FAM135B: variants seen among roughly 807,000 people sequenced by gnomAD.
FAM135B encodes the protein family with sequence similarity 135 member B, also known as protein FAM135B.
FAM135B carries 43 observed loss-of-function variants against 127.7 expected under a neutral mutation model. That is an observed-to-expected ratio of 0.34 (90% CI 0.26 to 0.43). FAM135B has a LOEUF of 0.43. FAM135B is among the 20% of genes least tolerant of loss of function. The pLI, the probability that FAM135B is intolerant of heterozygous loss-of-function variation, is 1.00. For synonymous variants in FAM135B, 670 were observed against 665.1 expected (o/e 1.01, Z -0.11); for missense variants, 1,558 against 1,725.6 (o/e 0.90, Z 1.72).
intron 1 of FAM135B, among the ~76,000 whole-genome samples, chr8:138,401,729 C>A (rs984558677): frequency 1.2e-4 from 19 of 152,200 alleles, no homozygotes; most frequent in Non-Finnish European, 2.2e-4. Flanking sequence ...CAACCAATTG[C>A]ATTTCCTTTC....
chr8:138,327,659 C>T (rs1176688218), intron 2 of FAM135B, among the ~76,000 whole-genome samples: 1 of 152,164 alleles, frequency 6.6e-6, no homozygotes, highest in Non-Finnish European at 1.5e-5. Context: ...GACAAGGCAC[C>T]AAAACAGTGG....
rs892717234 is a variant in FAM135B at position 138,242,981 on chromosome 8, C to G, written c.630G>C (p.Leu210Phe). 1.1e-5 allele frequency: 18 copies of G among 1,613,892 alleles called. No individual in the cohort carries two copies. The highest frequency in any genetic ancestry group is 1.5e-5 in the Non-Finnish European group (18 of 1,179,880). ...QEQSIISLEN[L>F]VFGAGYCKPT... ...GCTTGCAGTACCCAGCTCCAAAGAC[C>G]AAGTTTTCCAGAGAAATGATAGACT... Residue 210 changes from leucine (L) to phenylalanine (F), a missense_variant, in exon 7 of 20, where the codon TTG becomes TTC. By Grantham distance (22) the Leu-to-Phe change is conservative. This residue lies in a region of FAM135B where 127 missense variants were observed against 109.7 expected (regional missense o/e 1.16). Transcript: ENST00000395297. The surrounding 1 kb of genome is among the most constrained non-coding windows in gnomAD (Gnocchi z 9.6).
In FAM135B at chr8:138,377,416, G is replaced by T. The variant is rs186756343; in HGVS notation, c.-19-9414C>A. 7.6e-3 allele frequency among the ~76,000 whole-genome samples: 1,160 copies of T among 152,244 alleles called. 5 individuals carry two copies. The highest frequency in any genetic ancestry group is 0.02 in the Middle Eastern group (6 of 294). On this transcript the variant is annotated intron_variant, in intron 1 of 19. Transcript: ENST00000395297. ...CTGTATAATTTACAAAGAACAGAAG[G>T]TTATTTGGCTCATGGTTGTGGAGGC...
chr8:138,261,343 A>G (rs1481301954), intron 4 of FAM135B, among the ~76,000 whole-genome samples: 2 of 152,132 alleles, frequency 1.3e-5, no homozygotes, highest in Non-Finnish European at 2.9e-5. Flanking sequence ...TGTGTTTCAT[A>G]TGTAATCTTT....
intron 2 of FAM135B, among the ~76,000 whole-genome samples, chr8:138,343,862 C>A (rs565851912): frequency 1.3e-5 from 2 of 152,202 alleles, no homozygotes; most frequent in Non-Finnish European, 2.9e-5. Flanking sequence ...TTGGTTGTTT[C>A]CTCTTATCTG....
At chr8:138,353,550 A>G (rs1349720270) in intron 2 of FAM135B, among the ~76,000 whole-genome samples, 2 of 152,170 alleles carry the variant, frequency 1.3e-5, no homozygotes, top group African/African-American at 2.4e-5. Flanking sequence ...AAATATATAT[A>G]AATTGTGAAT....
At chr8:138,407,992 T>C (rs907322643) in intron 1 of FAM135B, among the ~76,000 whole-genome samples, 1 of 152,210 alleles carries the variant, frequency 6.6e-6, no homozygotes, top group Admixed American at 6.5e-5. Context: ...CAGTAAACCA[T>C]ACTATAAATA....
chr8:138,436,039 A>C (rs554936007), intron 1 of FAM135B, among the ~76,000 whole-genome samples: 1 of 152,234 alleles, frequency 6.6e-6, no homozygotes, highest in South Asian at 2.1e-4. Context: ...TATGTGCTCC[A>C]TTGGGTCTCA....
At chr8:138,136,837 A>T (rs538917919) in intron 19 of FAM135B, among the ~76,000 whole-genome samples, 2 of 152,216 alleles carry the variant, frequency 1.3e-5, no homozygotes, top group Middle Eastern at 3.2e-3. Flanking sequence ...GGCTCCAACT[A>T]GACAATGTGC....
chr8:138,452,778 G>A (rs1587489688), intron 1 of FAM135B, among the ~76,000 whole-genome samples: 1 of 152,118 alleles, frequency 6.6e-6, no homozygotes, highest in African/African-American at 2.4e-5. Flanking sequence ...TGGGGCTGGA[G>A]AATCCATGCT....
chr8:138,365,016 T>A (rs1032686989), intron 2 of FAM135B, among the ~76,000 whole-genome samples: 1 of 152,106 alleles, frequency 6.6e-6, no homozygotes. Flanking sequence ...TCAGGTGATT[T>A]TTGAATTTTT....
rs576690743 is a variant in FAM135B, at chr8:138,138,856, C to T, written c.3901+130G>A. The T allele has an allele frequency of 9.8e-5, 62 of 633,446 alleles. No homozygotes were observed. In the African/African-American group the frequency reaches 1.1e-3, roughly 12 times the overall value. 39.2% of individuals were successfully genotyped at this position (633,446 alleles called of 1,614,324 possible). A position where few individuals can be genotyped will look rare whatever the true frequency, so the allele number is the denominator to read the frequency against. On this transcript the variant is annotated intron_variant, in intron 18 of 19. Transcript: ENST00000395297. ...TTGGCCTCCCAATGAGCCAAAGAGG[C>T]TTTGAGTGCTGGGCCTCCTGACTAG...
intron 7 of FAM135B, among the ~76,000 whole-genome samples, chr8:138,220,915 A>G (rs1000123099): frequency 2.6e-5 from 4 of 152,254 alleles, no homozygotes; most frequent in African/African-American, 9.6e-5. Context: ...CCCACGTGAA[A>G]TAACTAAAAT....
chr8:138,424,519 A>G (rs1356922066), intron 1 of FAM135B, among the ~76,000 whole-genome samples: 1 of 152,212 alleles, frequency 6.6e-6, no homozygotes, highest in Non-Finnish European at 1.5e-5. Flanking sequence ...TTGACAAAGT[A>G]GTTTCTTAGT....
chr8:138,366,700 A>G (rs934246504), intron 2 of FAM135B, among the ~76,000 whole-genome samples: 1 of 152,216 alleles, frequency 6.6e-6, no homozygotes, highest in Admixed American at 6.5e-5. Context: ...CACTTGAAGC[A>G]TTAAACTCAG....
chr8:138,205,663 T>C (rs1225762006), intron 7 of FAM135B, among the ~76,000 whole-genome samples: 3 of 152,198 alleles, frequency 2.0e-5, no homozygotes, highest in African/African-American at 4.8e-5. Flanking sequence ...TGGATTGTGG[T>C]GACCAGCTTT....
At chr8:138,373,164 C>T (rs1831251980) in intron 1 of FAM135B, among the ~76,000 whole-genome samples, 1 of 152,130 alleles carries the variant, frequency 6.6e-6, no homozygotes, top group Non-Finnish European at 1.5e-5. Flanking sequence ...TAGGACATCA[C>T]TTCATCTCTT....
chr8:138,411,890 G>A (rs1238698968), intron 1 of FAM135B, among the ~76,000 whole-genome samples: 8 of 152,180 alleles, frequency 5.3e-5, no homozygotes, highest in African/African-American at 1.9e-4. Flanking sequence ...CAGCCATAAA[G>A]AAACAAAATC....
intron 1 of FAM135B, among the ~76,000 whole-genome samples, chr8:138,428,324 T>A (rs1835011837): frequency 2.0e-5 from 3 of 152,100 alleles, no homozygotes; most frequent in African/African-American, 7.2e-5. Context: ...TAGTATACAG[T>A]CCAACGCCCA....
Sources: allele counts gnomAD v4.1 joint callset (sites outside exome capture counted in the v4.1 genomes callset), GRCh38; gene constraint gnomAD v4.1.1; regional missense constraint gnomAD v4.1.1; non-coding constraint Gnocchi (gnomAD v3.1); transcripts MANE v1.5; gene names NCBI Gene and HGNC (gene_info 2026-07-23, HGNC 2026-07-21).